MTMR14: variants seen among roughly 807,000 people sequenced by gnomAD.
MTMR14 encodes the protein myotubularin related protein 14, also known as phosphatidylinositol-3,5-bisphosphate 3-phosphatase MTMR14.
A neutral mutation model predicts 86.3 loss-of-function variants in MTMR14; 48 were observed. The ratio of observed to expected loss-of-function variants is 0.56; its 90% CI spans 0.44 to 0.71. The LOEUF (loss-of-function observed/expected upper bound fraction) is 0.71. Ranked by LOEUF, MTMR14 falls within the 30% of genes least tolerant of loss-of-function variation. The pLI is 0.00. For missense variants in MTMR14, 780 were observed against 834.6 expected (o/e 0.93, Z 0.81); for synonymous variants, 366 against 326.1 (o/e 1.12, Z -1.32).
At position 9,662,294 on chromosome 3, in the gene MTMR14, G is replaced by A; in HGVS notation, c.336G>A (p.Lys112=). Residue 112 remains lysine, a synonymous_variant, in exon 3 of 19, where the codon AAG becomes AAA. Coordinates refer to ENST00000296003, the MANE Select transcript of MTMR14 (RefSeq NM_001077525.3). ...TTGAGAGTACCGTACAGGTGAGCAA[G>A]TTGCAAGACCTCATCCACCGCAGCA... ...DTFESTVQVS[K]LQDLIHRSKM... is the part of the protein sequence containing the mutation. The A allele has an allele frequency of 6.2e-7, 1 of 1,613,364 alleles. No homozygotes were observed. Among genetic ancestry groups the A allele is most frequent in the Non-Finnish European group, 8.5e-7 (1 of 1,179,922 alleles).
At chr3:9,699,698 C>T (rs1484288975) in intron 18 of MTMR14, 1 of 152,288 alleles carries the variant, frequency 6.6e-6, no homozygotes, top group East Asian at 1.9e-4. Context: ...CTTTTCTCAT[C>T]TCTCAGTAGG....
rs1291498260 is a variant in MTMR14, at chr3:9,697,533, G to T, written c.1614-178G>T. On this transcript the variant is annotated intron_variant, in intron 17 of 18. Transcript: ENST00000296003. ...GTCCTCACAGCTGAGCTTACCTGGT[G>T]ATCTATTCTTTTTTCTCGGTCACTA... 2.0e-5 allele frequency among the ~76,000 whole-genome samples: 3 copies of T among 152,180 alleles called. No homozygotes were observed. The East Asian group carries it at 5.8e-4, about 29-fold the overall frequency.
In MTMR14 at chr3:9,649,557, C is replaced by T. The variant is rs1198344478; in HGVS notation, c.-27C>T. The T allele has an allele frequency of 6.5e-7, 1 of 1,530,082 alleles. No homozygotes were observed. Among genetic ancestry groups the T allele is most frequent in the African/African-American group, 1.4e-5 (1 of 72,442 alleles). 94.8% of individuals were successfully genotyped at this position (1,530,082 alleles called of 1,614,324 possible). A position where few individuals can be genotyped will look rare whatever the true frequency, so the allele number is the denominator to read the frequency against. The stretch of plus-strand genomic sequence containing the variant: ...GCAGGTGCCATGGGCCCGCTTGAGG[C>T]ACACTGAGGGGACGCGGGGCTGGGC... On this transcript the variant is annotated 5_prime_UTR_variant, in exon 1 of 19. Coordinates refer to ENST00000296003, the MANE Select transcript of MTMR14 (RefSeq NM_001077525.3).
intron 3 of MTMR14, among the ~76,000 whole-genome samples, chr3:9,665,579 C>T (rs1404195474): frequency 2.6e-5 from 4 of 152,092 alleles, no homozygotes; most frequent in Non-Finnish European, 4.4e-5. Flanking sequence ...CCCGCTTACA[C>T]AATATATCCA....
intron 14 of MTMR14, among the ~76,000 whole-genome samples, 183 bp downstream of exon 14, chr3:9,688,074 G>T (rs940316854): frequency 1.3e-5 from 2 of 152,200 alleles, no homozygotes; most frequent in Non-Finnish European, 1.5e-5. Flanking sequence ...TGGTGAAGAG[G>T]CTCTTCTGCA....
At chr3:9,685,409 C>T (rs2075908368) in intron 13 of MTMR14, among the ~76,000 whole-genome samples, 162 bp downstream of exon 13, 1 of 152,144 alleles carries the variant, frequency 6.6e-6, no homozygotes, top group Non-Finnish European at 1.5e-5. Flanking sequence ...AGGACAGGCA[C>T]CAGCACAGTA....
In MTMR14 at chr3:9,697,829, C is replaced by T. The variant is rs779547575; in HGVS notation, c.1732C>T (p.Pro578Ser). Residue 578 changes from proline to serine, a missense_variant, in exon 18 of 19, where the codon CCT becomes TCT. Pro to Ser is a moderately conservative substitution (Grantham distance 74). Transcript: ENST00000296003. ...TGTCCTGCACACAGACTCCTCTCTCCCTTTCAGCTTCCCGGATGAGCTCCC... is the reference window on the plus strand; with the variant it reads ...TGTCCTGCACACAGACTCCTCTCTCTCTTTCAGCTTCCCGGATGAGCTCCC... ...RAVLHTDSSL[P>S]FSFPDELPNS... The T allele has an allele frequency of 8.1e-6, 13 of 1,614,224 alleles. No homozygotes were observed. The highest frequency in any genetic ancestry group is 1.0e-5 in the Non-Finnish European group (12 of 1,180,048).
chr3:9,694,946 G>A (rs1442579509), intron 17 of MTMR14, among the ~76,000 whole-genome samples: 1 of 152,212 alleles, frequency 6.6e-6, no homozygotes, highest in Non-Finnish European at 1.5e-5. Flanking sequence ...AGAGGTCTGA[G>A]CCGCTGGGAT....
chr3:9,697,991 T>A, intron 18 of MTMR14, 125 bp downstream of exon 18: 1 of 1,352,110 alleles, frequency 7.4e-7, no homozygotes, highest in Middle Eastern at 2.2e-4. Flanking sequence ...TGCCCTCCCC[T>A]CTCTCAGCTG....
intron 17 of MTMR14, among the ~76,000 whole-genome samples, chr3:9,691,001 TAAG>T (rs1350794550): frequency 6.6e-6 from 1 of 152,234 alleles, no homozygotes; most frequent in Non-Finnish European, 1.5e-5. Context: ...ATAGGTCTGT[TAAG>T]AAGAAAAACA....
At chr3:9,670,185 C>A (rs988719547) in intron 5 of MTMR14, among the ~76,000 whole-genome samples, 1 of 152,210 alleles carries the variant, frequency 6.6e-6, no homozygotes, top group African/African-American at 2.4e-5. Flanking sequence ...ACACAAGCAC[C>A]CTAGTTAAGA....
chr3:9,655,382 A>G (rs1426008765), intron 2 of MTMR14, among the ~76,000 whole-genome samples: 11 of 151,634 alleles, frequency 7.3e-5, no homozygotes, highest in African/African-American at 2.2e-4. Flanking sequence ...CAAAAAAAAG[A>G]TGACAGATTC....
rs1575106937 is a variant in MTMR14, at chr3:9,701,755, T to G, written c.1770-35T>G. 3 of 1,611,266 alleles carry G rather than the reference T, an allele frequency of 1.9e-6. No individual in the cohort carries two copies. Among genetic ancestry groups the G allele is most frequent in the Non-Finnish European group, 8.5e-7 (1 of 1,179,312 alleles). On this transcript the variant is annotated intron_variant, in intron 18 of 18. Transcript: ENST00000296003. This position sits in a 1 kb window ranked among gnomAD's most constrained non-coding sequence, Gnocchi z 4.2. ...GAGGATACTGGGTCCTGTCCCAGGG[T>G]AATGTCTTTGTTCTTTCTCTTGACC...
chr3:9,680,272 C>T (rs941044941), intron 9 of MTMR14, among the ~76,000 whole-genome samples: 2 of 152,222 alleles, frequency 1.3e-5, no homozygotes, highest in South Asian at 2.1e-4. Flanking sequence ...AGTGCAACTG[C>T]AATCCTTCTT....
rs749080963 is a variant in MTMR14, at chr3:9,653,755, G to A, written c.294G>A (p.Glu98=). 6.2e-7 allele frequency: 1 copy of A among 1,614,192 alleles called. No homozygotes were observed. Among genetic ancestry groups the A allele is most frequent in the Non-Finnish European group, 8.5e-7 (1 of 1,180,042 alleles). ...TGTTCCTGGAGTATGAGAGTTCTGA[G>A]AAGGAGAAAGACACGTGAGCATCAT... The part of the protein sequence containing the change: ...HIVFLEYESS[E]KEKDTFESTV... Residue 98 remains glutamate (E), a synonymous_variant, in exon 2 of 19, where the codon GAG becomes GAA. Coordinates refer to ENST00000296003, the MANE Select transcript of MTMR14 (RefSeq NM_001077525.3).
At chr3:9,690,480 A>T (rs1380039151) in intron 17 of MTMR14, among the ~76,000 whole-genome samples, 1 of 152,184 alleles carries the variant, frequency 6.6e-6, no homozygotes, top group African/African-American at 2.4e-5. Flanking sequence ...GAAGAGATAG[A>T]TCTAGATTCT....
rs2076479806 is a variant in MTMR14, at chr3:9,702,137, G to C, written c.*164G>C. On this transcript the variant is annotated 3_prime_UTR_variant, in exon 19 of 19. Transcript: ENST00000296003. Reference sequence around the variant, plus strand: ...CCAAAGCTGAGCAAGGCCAAAGACAGGGTTTTCCAACCCCCAGCCTCTTGA... The same window carrying C: ...CCAAAGCTGAGCAAGGCCAAAGACACGGTTTTCCAACCCCCAGCCTCTTGA... The C allele has an allele frequency of 1.1e-6, 1 of 892,344 alleles. No homozygotes were observed. The highest frequency in any genetic ancestry group is 1.6e-5 in the African/African-American group (1 of 60,612). 55.3% of individuals were successfully genotyped at this position (892,344 alleles called of 1,614,324 possible). A position where few individuals can be genotyped will look rare whatever the true frequency, so the allele number is the denominator to read the frequency against.
intron 9 of MTMR14, among the ~76,000 whole-genome samples, chr3:9,680,817 AC>A (rs2075741607): frequency 6.6e-6 from 1 of 152,144 alleles, no homozygotes; most frequent in Non-Finnish European, 1.5e-5. Flanking sequence ...AGCCTGGGCG[AC>A]AGAGCGAGAC....
intron 18 of MTMR14, chr3:9,699,938 T>C (rs1389122947): frequency 2.0e-5 from 3 of 152,264 alleles, no homozygotes; most frequent in Non-Finnish European, 4.4e-5. Context: ...TCTTCCCCAG[T>C]TGCCAGGAGA....
Sources: gnomAD v4.1 joint callset for allele counts (sites outside exome capture counted in the v4.1 genomes callset) on GRCh38, gnomAD v4.1.1 for gene constraint, Gnocchi (gnomAD v3.1) non-coding constraint, MANE v1.5 for transcripts, NCBI Gene and HGNC (gene_info 2026-07-23, HGNC 2026-07-21) for gene names.